ARRDC3: variants seen among roughly 807,000 people sequenced by gnomAD.
ARRDC3 encodes the protein arrestin domain-containing protein 3.
Under a neutral mutation model 47.2 loss-of-function variants are expected in ARRDC3, and 10 were observed. That is an observed-to-expected ratio of 0.21 (90% CI 0.13 to 0.36). The LOEUF (loss-of-function observed/expected upper bound fraction) is 0.36. Among genes scored for constraint, ARRDC3 ranks in the 10% least tolerant of loss-of-function variants. The probability of loss-of-function intolerance (pLI) is 1.00; values close to 1 mark genes in which losing one functional copy is unlikely to be tolerated. For synonymous variants in ARRDC3, 156 were observed against 178.3 expected (o/e 0.87, Z 1.00); for missense variants, 381 against 503.6 (o/e 0.76, Z 2.33).
At position 91,376,613 on chromosome 5, in the gene ARRDC3, A is replaced by G. The variant is rs1215110191; in HGVS notation, c.510+8T>C. The stretch of plus-strand genomic sequence containing the variant: ...AAACAAAGAATAAATAATTCAGTCA[A>G]TTCTTACCAGTAATGAAGGAGTGTT... On this transcript the variant is annotated splice_region_variant and intron_variant, in intron 3 of 7. Transcript: ENST00000265138. 18 of 1,598,544 alleles carry G rather than the reference A, an allele frequency of 1.1e-5. No homozygotes were observed. The highest frequency in any genetic ancestry group is 2.7e-5 in the African/African-American group (2 of 74,326).
rs1387063446 is a variant in ARRDC3, at chr5:91,383,073, T to G, written c.20A>C (p.Lys7Thr). MVLGKVKSLTISFDCLN... is the reference protein window; with the variant it reads MVLGKVTSLTISFDCLN... ...ACAGTCAAAGCTTATTGTCAAACTC[T>G]TCACCTTTCCCAGCACCATGTTTAT... The change falls in exon 1 of 8, where the codon AAG becomes ACG. Residue 7 changes from lysine to threonine, a missense_variant. Coordinates refer to ENST00000265138, the MANE Select transcript of ARRDC3 (RefSeq NM_020801.4). The G allele has an allele frequency of 6.2e-7, 1 of 1,609,362 alleles. No individual in the cohort carries two copies. Among genetic ancestry groups the G allele is most frequent in the African/African-American group, 1.3e-5 (1 of 74,782 alleles).
intron 1 of ARRDC3, among the ~76,000 whole-genome samples, chr5:91,382,365 T>G (rs955354851): frequency 1.3e-5 from 2 of 152,348 alleles, no homozygotes; most frequent in Non-Finnish European, 2.9e-5. Flanking sequence ...ATATTAAAAA[T>G]GAAACACACC....
chr5:91,375,340 T>C, intron 4 of ARRDC3, 162 bp from the exon 5 acceptor site: 3 of 933,894 alleles, frequency 3.2e-6, no homozygotes, highest in Non-Finnish European at 4.7e-6. Context: ...TCAGTAGCTA[T>C]TTGAAAAAGG....
At chr5:91,372,858 T>C (rs924142561) in intron 7 of ARRDC3, among the ~76,000 whole-genome samples, 8 of 152,166 alleles carry the variant, frequency 5.3e-5, no homozygotes, top group African/African-American at 1.9e-4. Context: ...TATTTTGGTA[T>C]CAAAACCAAC....
chr5:91,373,297 T>C (rs983548843), intron 7 of ARRDC3, among the ~76,000 whole-genome samples: 4 of 152,224 alleles, frequency 2.6e-5, no homozygotes, highest in South Asian at 4.1e-4. Context: ...TGTCAAAATA[T>C]GCAATTGGAA....
chr5:91,376,928 A>G lies in ARRDC3; in HGVS notation c.363-160T>C, dbSNP rs183351368. ...TTCCAAAGGGATAAGTCACTGGGGA[A>G]AAAACTTCCTATTTCCAACTAAGAA... On this transcript the variant is annotated intron_variant, in intron 2 of 7. Coordinates refer to ENST00000265138, the MANE Select transcript of ARRDC3 (RefSeq NM_020801.4). 1.6e-3 allele frequency among the ~76,000 whole-genome samples: 250 copies of G among 152,362 alleles called. 2 individuals are homozygous for G. Among genetic ancestry groups the G allele is most frequent in the African/African-American group, 5.8e-3 (242 of 41,588 alleles).
At chr5:91,379,609 AT>A (rs1286645054) in intron 1 of ARRDC3, among the ~76,000 whole-genome samples, 2 of 151,956 alleles carry the variant, frequency 1.3e-5, no homozygotes, top group African/African-American at 2.4e-5. Flanking sequence ...TGGTGAAATT[AT>A]TTTTTTTCAA....
At chr5:91,380,701 G>C (rs1799433416) in intron 1 of ARRDC3, 1 of 152,238 alleles carries the variant, frequency 6.6e-6, no homozygotes, top group East Asian at 1.9e-4. Context: ...TAGCTAACGG[G>C]GGTCCTGCCA....
chr5:91,375,757 T>C, intron 3 of ARRDC3, 144 bp from the exon 4 acceptor site: 1 of 470,250 alleles, frequency 2.1e-6, no homozygotes, highest in Non-Finnish European at 3.7e-6. Flanking sequence ...GACATACTTC[T>C]TATTTTTTAA....
rs1455119426 is a variant in ARRDC3, at chr5:91,371,270, G to C, written c.*130C>G. 5 of 718,882 alleles carry C rather than the reference G, an allele frequency of 7.0e-6. No individual in the cohort carries two copies. Among genetic ancestry groups the C allele is most frequent in the African/African-American group, 1.8e-5 (1 of 56,164 alleles). The allele number at this position is 718,882 out of a possible 1,614,324, so 44.5% of individuals were successfully genotyped here. ...AAAGCATGATCACTGGTTGTTTCAT[G>C]TATTCGCCATTTTTCTGGGCAAAAG... On this transcript the variant is annotated 3_prime_UTR_variant, in exon 8 of 8. Transcript: ENST00000265138.
rs1477797611 is a variant in ARRDC3, at chr5:91,383,038, T to C, written c.55A>G (p.Ser19Gly). The C allele has an allele frequency of 6.2e-7, 1 of 1,614,036 alleles. No individual in the cohort carries two copies. The highest frequency in any genetic ancestry group is 1.1e-5 in the South Asian group (1 of 91,070). ...LTISFDCLND[S>G]NVPVYSSGDT... ...CCACTAGAATACACAGGGACATTGC[T>C]GTCATTAAGACAGTCAAAGCTTATT... is the stretch of plus-strand genomic sequence containing the variant. Residue 19 changes from serine (S) to glycine (G), a missense_variant, in exon 1 of 8, where the codon AGC (serine) becomes GGC (glycine). Transcript: ENST00000265138.
At chr5:91,380,613 G>A (rs1395429627) in intron 1 of ARRDC3, 3 of 152,252 alleles carry the variant, frequency 2.0e-5, no homozygotes, top group East Asian at 3.9e-4. Context: ...GACTGGAGAG[G>A]TCGGGGAACA....
chr5:91,378,628 C>G (rs1799361556), intron 2 of ARRDC3, 66 bp downstream of exon 2: 1 of 922,590 alleles, frequency 1.1e-6, no homozygotes, highest in African/African-American at 1.8e-5. Flanking sequence ...ATTTAGAATA[C>G]TTAATTTTAA....
At chr5:91,376,799 T>C (rs1166949236) in intron 2 of ARRDC3, 31 bp from the exon 3 acceptor site, 2 of 1,569,718 alleles carry the variant, frequency 1.3e-6, no homozygotes, top group East Asian at 4.5e-5. Context: ...AATATATTAA[T>C]TTTATACCTC....
At position 91,374,918 on chromosome 5, in the gene ARRDC3, A is replaced by G; in HGVS notation, c.870+4T>C. 1 of 1,613,956 alleles carries G rather than the reference A, an allele frequency of 6.2e-7. No homozygotes were observed. The highest frequency in any genetic ancestry group is 8.5e-7 in the Non-Finnish European group (1 of 1,179,840). On this transcript the variant is annotated splice_donor_region_variant and intron_variant, in intron 5 of 7. Transcript: ENST00000265138. ...AGGAAAAAACCTCTTAAATGTGTAC[A>G]TACCATTAGTGAATATTCCACGCGG...
rs377674022 is a variant in ARRDC3, at chr5:91,379,292, TAAA to T, written c.281-520_281-518del. Among the ~76,000 whole-genome samples, 552 of 107,762 alleles carry T rather than the reference TAAA, an allele frequency of 5.1e-3. 1 individual carries two copies. The highest frequency in any genetic ancestry group is 7.3e-3 in the Non-Finnish European group (380 of 52,350). The allele number at this position is 107,762 out of a possible 152,430, so 70.7% of individuals were successfully genotyped here. A position where few individuals can be genotyped will look rare whatever the true frequency, so the allele number is the denominator to read the frequency against. ...AGAAAACCTTGTCAAATAGACGGAG[TAAA>T]AAAAAAAAAAAAAAAAGCCACACAT... On this transcript the variant is annotated intron_variant, in intron 1 of 7. Transcript: ENST00000265138.
intron 3 of ARRDC3, 67 bp downstream of exon 3, chr5:91,376,554 G>A: frequency 1.5e-6 from 2 of 1,360,270 alleles, no homozygotes; most frequent in South Asian, 2.8e-5. Context: ...GCATAGTTTA[G>A]GTGATTGATT....
Position 91,370,194 on chromosome 5 carries a change from CAT to C in ARRDC3, c.*1204_*1205del, listed in dbSNP as rs1343551727. On this transcript the variant is annotated 3_prime_UTR_variant, in exon 8 of 8. Coordinates refer to ENST00000265138, the MANE Select transcript of ARRDC3 (RefSeq NM_020801.4). The stretch of plus-strand genomic sequence containing the variant: ...TTGCACCAGCAAAAGCGATTTCCAA[CAT>C]ATGTGTTTTGGAGGTAATTAAGTAA... 2 of 152,496 alleles carry C rather than the reference CAT, an allele frequency of 1.3e-5. No homozygotes were observed. The highest frequency in any genetic ancestry group is 2.9e-5 in the Non-Finnish European group (2 of 68,024). The allele number at this position is 152,496 out of a possible 1,614,324, so 9.4% of individuals were successfully genotyped here.
chr5:91,378,520 C>T (rs567511231), intron 2 of ARRDC3, among the ~76,000 whole-genome samples, 174 bp downstream of exon 2: 6 of 152,022 alleles, frequency 3.9e-5, no homozygotes, highest in South Asian at 2.1e-4. Context: ...AATTTTGCCA[C>T]GCTAGATTAA....
Sources: allele counts gnomAD v4.1 joint callset (sites outside exome capture counted in the v4.1 genomes callset), GRCh38; gene constraint gnomAD v4.1.1; transcripts MANE v1.5; gene names NCBI Gene and HGNC (gene_info 2026-07-23, HGNC 2026-07-21).